CNPY1: variants seen among roughly 807,000 people sequenced by gnomAD.
CNPY1 encodes the protein canopy FGF signaling regulator 1, also known as protein canopy homolog 1.
A neutral mutation model predicts 14.4 loss-of-function variants in CNPY1; 14 were observed. The ratio of observed to expected loss-of-function variants is 0.97; its 90% CI spans 0.64 to 1.52. The LOEUF (loss-of-function observed/expected upper bound fraction) is 1.52, where lower values mean the gene tolerates loss of function less well. Among genes scored for constraint, CNPY1 ranks in the 40% most tolerant of loss-of-function variants. CNPY1 has a pLI of 0.00. For missense variants in CNPY1, 129 were observed against 131.5 expected (o/e 0.98, Z 0.09); for synonymous variants, 43 against 46.5 (o/e 0.92, Z 0.31).
chr7:155,510,976 T>C (rs1796518769), intron 2 of CNPY1, among the ~76,000 whole-genome samples: 1 of 152,234 alleles, frequency 6.6e-6, no homozygotes, highest in Non-Finnish European at 1.5e-5. Flanking sequence ...GTATTTTAGG[T>C]ATTATTTCCT....
intron 2 of CNPY1, among the ~76,000 whole-genome samples, chr7:155,517,698 G>A (rs1240588880): frequency 5.9e-5 from 9 of 152,206 alleles, no homozygotes; most frequent in South Asian, 2.1e-4. Flanking sequence ...CACTGGGCTC[G>A]GGGTCCGCCC....
chr7:155,520,310 T>C (rs1023307313), intron 2 of CNPY1, among the ~76,000 whole-genome samples: 3 of 152,088 alleles, frequency 2.0e-5, no homozygotes, highest in African/African-American at 7.2e-5. Flanking sequence ...GAAGGACAGA[T>C]AGTGTGAGCT....
At chr7:155,531,555 C>T (rs2116740848) in intron 2 of CNPY1, among the ~76,000 whole-genome samples, 1 of 152,336 alleles carries the variant, frequency 6.6e-6, no homozygotes, top group South Asian at 2.1e-4. Context: ...CCTTCTCTTC[C>T]TCTCTCTGCA....
In CNPY1 at chr7:155,503,017, T is replaced by C. The variant is rs1366404330; in HGVS notation, c.*51A>G. The stretch of plus-strand genomic sequence containing the variant: ...ACATGCAAACATAAAATGCAGACAT[T>C]GACCTTTGGGTGTGACTTTACTCCT... On this transcript the variant is annotated 3_prime_UTR_variant, in exon 5 of 5. Transcript: ENST00000636446. 6.5e-7 allele frequency: 1 copy of C among 1,535,920 alleles called. No homozygotes were observed. Among genetic ancestry groups the C allele is most frequent in the African/African-American group, 1.4e-5 (1 of 72,214 alleles).
At chr7:155,503,437 A>G (rs1439565014) in intron 4 of CNPY1, among the ~76,000 whole-genome samples, 1 of 152,164 alleles carries the variant, frequency 6.6e-6, no homozygotes, top group Non-Finnish European at 1.5e-5. Context: ...CACAGCCTGT[A>G]ATGGGCACAG....
At chr7:155,538,550 C>CA (rs894548282) in intron 2 of CNPY1, among the ~76,000 whole-genome samples, 2 of 152,160 alleles carry the variant, frequency 1.3e-5, no homozygotes, top group Non-Finnish European at 2.9e-5. Flanking sequence ...CACGCCCCCA[C>CA]AAGGCCCTGA....
chr7:155,537,316 T>G (rs1797034983), intron 2 of CNPY1, among the ~76,000 whole-genome samples: 1 of 152,122 alleles, frequency 6.6e-6, no homozygotes, highest in Non-Finnish European at 1.5e-5. Context: ...AATAGAGGAT[T>G]GCATCGGTTC....
intron 2 of CNPY1, among the ~76,000 whole-genome samples, chr7:155,540,483 C>T (rs1797071282): frequency 6.6e-6 from 1 of 152,226 alleles, no homozygotes; most frequent in African/African-American, 2.4e-5. Context: ...GCCCAGTTTA[C>T]CTCCCAGAGT....
chr7:155,534,363 AC>A (rs1245879675), intron 2 of CNPY1, among the ~76,000 whole-genome samples: 2 of 152,116 alleles, frequency 1.3e-5, no homozygotes, highest in African/African-American at 4.8e-5. Flanking sequence ...ACACGTGCAC[AC>A]AGGCACACAC....
Position 155,502,497 on chromosome 7 carries a change from T to G in CNPY1, c.*571A>C, listed in dbSNP as rs1379064387. 1 of 152,364 alleles carries G rather than the reference T, an allele frequency of 6.6e-6. No homozygotes were observed. The highest frequency in any genetic ancestry group is 1.5e-5 in the Non-Finnish European group (1 of 68,122). 9.4% of individuals were successfully genotyped at this position (152,364 alleles called of 1,614,324 possible). A position where few individuals can be genotyped will look rare whatever the true frequency, so the allele number is the denominator to read the frequency against. ...ATTCATTAGTTTTTACACATTCCAC[T>G]AAATTTTAGAGATGGGTTTTTAAAC... On this transcript the variant is annotated 3_prime_UTR_variant, in exon 5 of 5. Coordinates refer to ENST00000636446, the MANE Select transcript of CNPY1 (RefSeq NM_001393663.1).
chr7:155,536,323 A>G lies in CNPY1; in HGVS notation c.99+9508T>C, dbSNP rs1424898820. On this transcript the variant is annotated intron_variant, in intron 2 of 4. Coordinates refer to ENST00000636446, the MANE Select transcript of CNPY1 (RefSeq NM_001393663.1). This position sits in a 1 kb window ranked among gnomAD's most constrained non-coding sequence, Gnocchi z 4.1. ...GCAGTACTGGGAGGTTAGAAAGCCT[A>G]CGGGCCGCTCTGTGCTTGAGACCTA... Among the ~76,000 whole-genome samples the G allele has an allele frequency of 2.6e-5, 4 of 152,122 alleles. No homozygotes were observed. Among genetic ancestry groups the G allele is most frequent in the Non-Finnish European group, 5.9e-5 (4 of 68,026 alleles).
At chr7:155,542,493 T>C (rs1797095812) in intron 2 of CNPY1, among the ~76,000 whole-genome samples, 1 of 152,166 alleles carries the variant, frequency 6.6e-6, no homozygotes, top group African/African-American at 2.4e-5. Flanking sequence ...TGCTGGGGCC[T>C]CACTGCTGGG....
At chr7:155,539,030 G>C (rs1027999868) in intron 2 of CNPY1, among the ~76,000 whole-genome samples, 2 of 152,112 alleles carry the variant, frequency 1.3e-5, no homozygotes, top group African/African-American at 2.4e-5. Flanking sequence ...AGCCAGCTTC[G>C]GGCCCCTTTC....
chr7:155,514,887 T>C (rs1796587394), intron 2 of CNPY1, among the ~76,000 whole-genome samples: 1 of 151,798 alleles, frequency 6.6e-6, no homozygotes, highest in Admixed American at 6.6e-5. Flanking sequence ...AGAGCAAAAC[T>C]CTGTCTCAAA....
intron 2 of CNPY1, among the ~76,000 whole-genome samples, chr7:155,534,320 TGCACACACACGTGCACAGAGGC>T (rs1369437271): frequency 6.7e-6 from 1 of 149,120 alleles, no homozygotes; most frequent in Non-Finnish European, 1.5e-5. Flanking sequence ...CACACACACA[TGCACACACACGTGCACAGAGGC>T]ACACATGCAC....
chr7:155,514,229 C>T lies in CNPY1; in HGVS notation c.100-5132G>A, dbSNP rs1796575302. Among the ~76,000 whole-genome samples, 4 of 152,366 alleles carry T rather than the reference C, an allele frequency of 2.6e-5. No homozygotes were observed. In the South Asian group the frequency reaches 8.3e-4, roughly 32 times the overall value. ...TCTAATGTCAGACAAATACACTTCT[C>T]TAATTCCGACGTTTAAAAAGAGGAC... On this transcript the variant is annotated intron_variant, in intron 2 of 4. Transcript: ENST00000636446.
chr7:155,534,606 C>G (rs548417914), intron 2 of CNPY1, among the ~76,000 whole-genome samples: 1 of 152,220 alleles, frequency 6.6e-6, no homozygotes, highest in Non-Finnish European at 1.5e-5. Context: ...CTCACAGCGT[C>G]GCGGGATGGC....
At chr7:155,524,710 A>G (rs1359218233) in intron 2 of CNPY1, among the ~76,000 whole-genome samples, 1 of 152,236 alleles carries the variant, frequency 6.6e-6, no homozygotes, top group Non-Finnish European at 1.5e-5. Context: ...TTCTTTATAT[A>G]TTACAATGTA....
At chr7:155,537,321 C>T (rs969415476) in intron 2 of CNPY1, among the ~76,000 whole-genome samples, 6 of 151,974 alleles carry the variant, frequency 3.9e-5, no homozygotes, top group Admixed American at 6.6e-5. Flanking sequence ...AGGATTGCAT[C>T]GGTTCCTGAG....
Sources: gnomAD v4.1 joint callset for allele counts (sites outside exome capture counted in the v4.1 genomes callset) on GRCh38, gnomAD v4.1.1 for gene constraint, Gnocchi (gnomAD v3.1) non-coding constraint, MANE v1.5 for transcripts, NCBI Gene and HGNC (gene_info 2026-07-23, HGNC 2026-07-21) for gene names.